Variants in SRCIN1 observed in about 807,000 individuals in gnomAD.
The protein encoded by SRCIN1 is SRC kinase signaling inhibitor 1, also known as P130Cas-associated protein.
In SRCIN1, 50 loss-of-function variants were observed where a neutral mutation model predicts 116.2. The ratio of observed to expected loss-of-function variants is 0.43; its 90% CI spans 0.34 to 0.54. The LOEUF (loss-of-function observed/expected upper bound fraction) is 0.54. SRCIN1 is among the 20% of genes least tolerant of loss of function. The probability of loss-of-function intolerance (pLI) is 0.02; values close to 1 mark genes in which losing one functional copy is unlikely to be tolerated. For missense variants in SRCIN1, 1,446 were observed against 1,672.0 expected (o/e 0.86, Z 2.36); for synonymous variants, 736 against 750.0 (o/e 0.98, Z 0.30).
chr17:38,570,731 G>A (rs1907028717), intron 2 of SRCIN1, among the ~76,000 whole-genome samples: 1 of 152,230 alleles, frequency 6.6e-6, no homozygotes, highest in South Asian at 2.1e-4. Context: ...CTGCCCCAGG[G>A]TCCCAAGGCT....
Position 38,563,116 on chromosome 17 carries a change from A to G in SRCIN1, c.741-196T>C, listed in dbSNP as rs1280499579. On this transcript the variant is annotated intron_variant, in intron 5 of 18. Coordinates refer to ENST00000617146, the MANE Select transcript of SRCIN1 (RefSeq NM_025248.3). The surrounding 1 kb of genome is among the most constrained non-coding windows in gnomAD (Gnocchi z 5.8). ...CCGGCGCCATTTTCAGGTTAGCTCA[A>G]AGCAAAGGGAACCAGCAGGGGTGGA... Among the ~76,000 whole-genome samples, 2 of 152,116 alleles carry G rather than the reference A, an allele frequency of 1.3e-5. No individual in the cohort carries two copies. The highest frequency in any genetic ancestry group is 2.9e-5 in the Non-Finnish European group (2 of 68,010).
chr17:38,552,362 A>G lies in SRCIN1; in HGVS notation c.2480+85T>C. ...TCGGCACGCCAGTGACCTTTGGGGG[A>G]GTTGGGGTAAGGGTTCAGTATGACC... On this transcript the variant is annotated intron_variant, in intron 13 of 18. Coordinates refer to ENST00000617146, the MANE Select transcript of SRCIN1 (RefSeq NM_025248.3). The surrounding 1 kb of genome is among the most constrained non-coding windows in gnomAD (Gnocchi z 5.3). 3 of 1,494,124 alleles carry G rather than the reference A, an allele frequency of 2.0e-6. No homozygotes were observed. The allele number at this position is 1,494,124 out of a possible 1,614,324, so 92.6% of individuals were successfully genotyped here. A position where few individuals can be genotyped will look rare whatever the true frequency, so the allele number is the denominator to read the frequency against.
chr17:38,551,448 G>T, intron 14 of SRCIN1, 59 bp from the exon 15 acceptor site: 3 of 1,432,534 alleles, frequency 2.1e-6, no homozygotes, highest in Non-Finnish European at 1.9e-6. Flanking sequence ...GACCTCTGGG[G>T]CCTCAGCCTC....
At chr17:38,588,593 T>C (rs1336655503) in intron 1 of SRCIN1, among the ~76,000 whole-genome samples, 1 of 152,166 alleles carries the variant, frequency 6.6e-6, no homozygotes, top group Non-Finnish European at 1.5e-5. Flanking sequence ...TGCCAGGGCG[T>C]CTTCTCCCCA....
At chr17:38,550,290 C>T (rs557481349) in intron 15 of SRCIN1, among the ~76,000 whole-genome samples, 10 of 152,122 alleles carry the variant, frequency 6.6e-5, no homozygotes, top group East Asian at 1.9e-4. Flanking sequence ...GTCAGGAGAT[C>T]GAGACCATCC....
chr17:38,582,586 G>A (rs1567878213), intron 1 of SRCIN1, among the ~76,000 whole-genome samples: 1 of 152,204 alleles, frequency 6.6e-6, no homozygotes, highest in African/African-American at 2.4e-5. Context: ...CTATTGGGGT[G>A]AGGCGGGCAG....
chr17:38,559,794 G>A, intron 9 of SRCIN1, 22 bp from the exon 10 acceptor site: 1 of 1,479,936 alleles, frequency 6.8e-7, no homozygotes, highest in South Asian at 1.4e-5. Context: ...CACGAGGATG[G>A]GAGAAAGTGA....
intron 1 of SRCIN1, among the ~76,000 whole-genome samples, chr17:38,596,036 T>C (rs762006289): frequency 1.8e-4 from 28 of 151,894 alleles, no homozygotes; most frequent in Admixed American, 3.3e-4. Context: ...GGAGGAATCG[T>C]GGGGGGCCTC....
rs1907116105 is a variant in SRCIN1 at position 38,572,145 on chromosome 17, G to A, written c.325-3914C>T. 6.6e-6 allele frequency among the ~76,000 whole-genome samples: 1 copy of A among 152,174 alleles called. No homozygotes were observed. Among genetic ancestry groups the A allele is most frequent in the Non-Finnish European group, 1.5e-5 (1 of 68,028 alleles). ...GGAGGGCAACCCACGGGTCCACACC[G>A]GCTCCTTAATCCCCTGGCTGTGCTG... is the stretch of plus-strand genomic sequence containing the variant. On this transcript the variant is annotated intron_variant, in intron 2 of 18. Coordinates refer to ENST00000617146, the MANE Select transcript of SRCIN1 (RefSeq NM_025248.3). This position sits in a 1 kb window ranked among gnomAD's most constrained non-coding sequence, Gnocchi z 4.3.
chr17:38,565,588 T>A (rs1906630933), intron 3 of SRCIN1, among the ~76,000 whole-genome samples: 1 of 152,204 alleles, frequency 6.6e-6, no homozygotes, highest in Non-Finnish European at 1.5e-5. Context: ...TAAAAAGGAA[T>A]CATTTATTCT....
intron 18 of SRCIN1, 106 bp downstream of exon 18, chr17:38,543,717 G>C: frequency 6.8e-7 from 1 of 1,465,698 alleles, no homozygotes. Flanking sequence ...CTGGGAAGAG[G>C]TTGGGAAAGC....
chr17:38,605,828 G>T lies in SRCIN1; in HGVS notation c.-123C>A. 4.4e-6 allele frequency: 1 copy of T among 229,740 alleles called. No individual in the cohort carries two copies. The highest frequency in any genetic ancestry group is 1.4e-4 in the South Asian group (1 of 6,956). The allele number at this position is 229,740 out of a possible 1,614,324, so 14.2% of individuals were successfully genotyped here. ...CGCGGTGCCAGGCGGGCGGGCCGGG[G>T]GCGCGGGCCCCGCCGGGGTGGACCA... On this transcript the variant is annotated 5_prime_UTR_variant, in exon 1 of 19. Coordinates refer to ENST00000617146, the MANE Select transcript of SRCIN1 (RefSeq NM_025248.3).
rs1015259965 is a variant in SRCIN1 at position 38,572,885 on chromosome 17, C to T, written c.325-4654G>A. The T allele has an allele frequency of 1.3e-5, 2 of 151,822 alleles. No homozygotes were observed. The highest frequency in any genetic ancestry group is 4.8e-5 in the African/African-American group (2 of 41,322). 9.4% of individuals were successfully genotyped at this position (151,822 alleles called of 1,614,324 possible). ...AGTCGCCCCGGTAACCGCGACTCCA[C>T]CTGGCGCGGCGCTGCGCGCCGCCGT... On this transcript the variant is annotated intron_variant, in intron 2 of 18. Transcript: ENST00000617146. The surrounding 1 kb of genome is among the most constrained non-coding windows in gnomAD (Gnocchi z 4.3).
chr17:38,570,264 T>A (rs1012211707), intron 2 of SRCIN1, among the ~76,000 whole-genome samples: 2 of 152,000 alleles, frequency 1.3e-5, no homozygotes, highest in African/African-American at 4.8e-5. Context: ...TACACAAACG[T>A]GTTTGGCTCC....
intron 1 of SRCIN1, among the ~76,000 whole-genome samples, chr17:38,600,288 G>C (rs1410935857): frequency 6.6e-6 from 1 of 152,218 alleles, no homozygotes; most frequent in Non-Finnish European, 1.5e-5. Context: ...AGATATGTAG[G>C]TAAAAGCGAC....
chr17:38,562,671 A>T lies in SRCIN1; in HGVS notation c.834+156T>A, dbSNP rs924887984. ...TGGACAGGCCCGGAATGGAGGGGAA[A>T]GTGGCAGGTGGGACAGGGGCTCTTC... On this transcript the variant is annotated intron_variant, in intron 6 of 18. Coordinates refer to ENST00000617146, the MANE Select transcript of SRCIN1 (RefSeq NM_025248.3). This position sits in a 1 kb window ranked among gnomAD's most constrained non-coding sequence, Gnocchi z 4.2. Among the ~76,000 whole-genome samples the T allele has an allele frequency of 2.6e-5, 4 of 152,156 alleles. No homozygotes were observed. Among genetic ancestry groups the T allele is most frequent in the African/African-American group, 7.2e-5 (3 of 41,436 alleles).
intron 1 of SRCIN1, among the ~76,000 whole-genome samples, chr17:38,579,679 C>G (rs1332348498): frequency 6.6e-6 from 1 of 152,114 alleles, no homozygotes; most frequent in Admixed American, 6.5e-5. Context: ...AGCACAGAAG[C>G]AAAAGAAAGA....
chr17:38,584,880 G>T (rs564662712), intron 1 of SRCIN1, among the ~76,000 whole-genome samples: 4 of 152,274 alleles, frequency 2.6e-5, no homozygotes, highest in Admixed American at 2.6e-4. Flanking sequence ...AAGGAGAGAG[G>T]CAAATGGACA....
chr17:38,587,724 C>A (rs1908192724), intron 1 of SRCIN1, among the ~76,000 whole-genome samples: 1 of 152,192 alleles, frequency 6.6e-6, no homozygotes, highest in Non-Finnish European at 1.5e-5. Flanking sequence ...GGCAGAAACA[C>A]CGCAGCAGCC....
Sources: allele counts gnomAD v4.1 joint callset (sites outside exome capture counted in the v4.1 genomes callset), GRCh38; gene constraint gnomAD v4.1.1; non-coding constraint Gnocchi (gnomAD v3.1); transcripts MANE v1.5; gene names NCBI Gene and HGNC (gene_info 2026-07-23, HGNC 2026-07-21).